Variants in MAGI1 observed in about 807,000 individuals in gnomAD.
MAGI1 encodes membrane associated guanylate kinase, WW and PDZ domain containing 1, also known as membrane-associated guanylate kinase, WW and PDZ domain-containing protein 1.
In MAGI1, 58 loss-of-function variants were observed where a neutral mutation model predicts 139.9. The ratio of observed to expected loss-of-function variants is 0.41; its 90% confidence interval spans 0.34 to 0.52. The LOEUF is 0.52. MAGI1 is among the 20% of genes least tolerant of loss of function. The pLI is 0.12. For missense variants in MAGI1, 1,874 were observed against 1,901.6 expected, an observed-to-expected ratio of 0.99 and a Z score of 0.27; for synonymous variants, 812 against 737.9, an observed-to-expected ratio of 1.10 and a Z score of -1.63.
chr3:65,505,400 A>T (rs1188633184), intron 2 of MAGI1, among the ~76,000 whole-genome samples: 1 of 151,944 alleles, frequency 6.6e-6, no homozygotes, highest in East Asian at 1.9e-4. Context: ...AGTTAAAAAA[A>T]AAAAAAAAAT....
chr3:65,872,236 A>G (rs891585096), intron 1 of MAGI1, among the ~76,000 whole-genome samples: 1 of 152,210 alleles, frequency 6.6e-6, no homozygotes, highest in African/African-American at 2.4e-5. Context: ...CACAGTCCCT[A>G]TAATATAGGT....
chr3:65,568,718 C>G (rs2080800282), intron 2 of MAGI1, among the ~76,000 whole-genome samples: 2 of 152,152 alleles, frequency 1.3e-5, no homozygotes, highest in Admixed American at 1.3e-4. Flanking sequence ...AGGGCTTGAG[C>G]CATGTTGACT....
chr3:65,665,295 C>A (rs559655024), intron 1 of MAGI1, among the ~76,000 whole-genome samples: 5 of 152,006 alleles, frequency 3.3e-5, no homozygotes, highest in Admixed American at 2.0e-4. Context: ...AAAAAGAAAA[C>A]GGAAATTGGC....
At chr3:65,968,298 A>T (rs1318445139) in intron 1 of MAGI1, among the ~76,000 whole-genome samples, 1 of 152,250 alleles carries the variant, frequency 6.6e-6, no homozygotes, top group South Asian at 2.1e-4. Flanking sequence ...TATGTGCATA[A>T]AGATCAAAAT....
chr3:65,690,468 A>T (rs917006736), intron 1 of MAGI1, among the ~76,000 whole-genome samples: 1 of 151,862 alleles, frequency 6.6e-6, no homozygotes, highest in Non-Finnish European at 1.5e-5. Flanking sequence ...CTAAATATAC[A>T]ACTCTTTTTT....
intron 1 of MAGI1, among the ~76,000 whole-genome samples, chr3:65,899,773 C>T (rs988547592): frequency 6.6e-6 from 1 of 152,190 alleles, no homozygotes; most frequent in Non-Finnish European, 1.5e-5. Flanking sequence ...AACTTGCTTA[C>T]ATTCTGAATG....
chr3:65,706,173 C>T (rs993929823), intron 1 of MAGI1, among the ~76,000 whole-genome samples: 33 of 152,124 alleles, frequency 2.2e-4, no homozygotes, highest in African/African-American at 7.5e-4. Flanking sequence ...GGTACACGGG[C>T]TAGTTTAAAT....
intron 2 of MAGI1, among the ~76,000 whole-genome samples, chr3:65,504,686 G>A (rs1466017662): frequency 1.3e-5 from 2 of 152,116 alleles, no homozygotes; most frequent in African/African-American, 4.8e-5. Context: ...TTGACGGTCT[G>A]GGAGAAGAAA....
intron 12 of MAGI1, among the ~76,000 whole-genome samples, chr3:65,427,838 C>T (rs191755995): frequency 6.6e-6 from 1 of 152,140 alleles, no homozygotes; most frequent in Non-Finnish European, 1.5e-5. Context: ...TTCATCATCA[C>T]CATCATCATT....
At chr3:65,540,175 T>C (rs963527818) in intron 2 of MAGI1, among the ~76,000 whole-genome samples, 4 of 152,198 alleles carry the variant, frequency 2.6e-5, no homozygotes, top group African/African-American at 9.6e-5. Context: ...TTATGTTCAG[T>C]AACTTCTAAG....
intron 1 of MAGI1, among the ~76,000 whole-genome samples, chr3:65,991,910 G>T (rs140471163): frequency 1.3e-5 from 2 of 152,290 alleles, no homozygotes; most frequent in East Asian, 3.9e-4. Context: ...AGCTACTCGG[G>T]AGGCTGAGGC....
rs887398826 is a variant in MAGI1 at position 65,787,387 on chromosome 3, GT to G, written c.314-165300del. Among the ~76,000 whole-genome samples, 8 of 151,710 alleles carry G rather than the reference GT, an allele frequency of 5.3e-5. No homozygotes were observed. The East Asian group carries it at 5.8e-4, about 11-fold the overall frequency. ...TCAACTTGAAAAGTCTTCCTCTGCC[GT>G]TTTTTTAGTGAACAGTCTACTGTCA... On this transcript the variant is annotated intron_variant, in intron 1 of 22. Coordinates refer to ENST00000402939, the MANE Select transcript of MAGI1 (RefSeq NM_001033057.2).
intron 2 of MAGI1, among the ~76,000 whole-genome samples, chr3:65,566,126 C>G (rs1458034615): frequency 6.6e-6 from 1 of 151,504 alleles, no homozygotes; most frequent in Admixed American, 6.6e-5. Flanking sequence ...TGGTGGCAGG[C>G]ACCTGTAGTC....
intron 1 of MAGI1, among the ~76,000 whole-genome samples, chr3:65,746,002 T>C (rs1391368885): frequency 1.3e-5 from 2 of 152,052 alleles, no homozygotes; most frequent in Non-Finnish European, 2.9e-5. Context: ...AGTGCTGGGA[T>C]TGCAGGCATG....
chr3:65,741,178 AT>A (rs10707971), intron 1 of MAGI1, among the ~76,000 whole-genome samples: 54,555 of 146,576 alleles, frequency 0.37, 9,773 homozygotes, highest in Non-Finnish European at 0.4. Flanking sequence ...GCTATTATTG[AT>A]TTTTTTTTTT....
rs554948124 is a variant in MAGI1 at position 65,453,332 on chromosome 3, G to C, written c.968C>G (p.Thr323Arg). The change falls in exon 6 of 23, where the codon ACG (threonine) becomes AGG (arginine). Residue 323 changes from threonine to arginine, a missense_variant. Physicochemically the swap from Thr to Arg is moderately conservative, Grantham distance 71. Transcript: ENST00000402939. The part of the protein sequence containing the change: ...NGEVYFIDHN[T>R]KTTSWLDPRC... ...AGGGTCTAACCAAGATGTTGTTTTC[G>C]TGTTATGGCTGCAATCCAGAAACAA... is the stretch of plus-strand genomic sequence containing the variant. 1.3e-6 allele frequency: 2 copies of C among 1,594,964 alleles called. No homozygotes were observed. Among genetic ancestry groups the C allele is most frequent in the East Asian group, 2.3e-5 (1 of 44,138 alleles).
At chr3:66,037,940 C>T (rs1238211086) in intron 1 of MAGI1, 56 bp downstream of exon 1, 13 of 1,515,462 alleles carry the variant, frequency 8.6e-6, no homozygotes, top group Non-Finnish European at 1.1e-5. Flanking sequence ...TAAGGGGCAG[C>T]CCACAGACCA....
At chr3:65,948,595 C>T (rs915520714) in intron 1 of MAGI1, among the ~76,000 whole-genome samples, 1 of 152,010 alleles carries the variant, frequency 6.6e-6, no homozygotes, top group Non-Finnish European at 1.5e-5. Flanking sequence ...AGGGTTAACC[C>T]AAAAAACATC....
intron 10 of MAGI1, among the ~76,000 whole-genome samples, chr3:65,436,249 T>C (rs986841620): frequency 6.6e-6 from 1 of 150,458 alleles, no homozygotes; most frequent in Non-Finnish European, 1.5e-5. Flanking sequence ...TGTAACACAA[T>C]TAAATCTTTT....
Sources: allele counts gnomAD v4.1 joint callset (sites outside exome capture counted in the v4.1 genomes callset), GRCh38; gene constraint gnomAD v4.1.1; transcripts MANE v1.5; gene names NCBI Gene and HGNC (gene_info 2026-07-23, HGNC 2026-07-21).